ZFP14: variants seen among roughly 807,000 people sequenced by gnomAD.
ZFP14 encodes the protein zinc finger protein 14 homolog.
A neutral mutation model predicts 54.5 loss-of-function variants in ZFP14; 22 were observed. That is an observed-to-expected ratio of 0.40 (90% confidence interval 0.29 to 0.58). The LOEUF (loss-of-function observed/expected upper bound fraction) is 0.58. Ranked by LOEUF, ZFP14 falls within the 20% of genes least tolerant of loss-of-function variation. ZFP14 has a pLI of 0.39. For synonymous variants in ZFP14, 159 were observed against 204.0 expected (o/e 0.78, Z 1.88); for missense variants, 470 against 637.8 (o/e 0.74, Z 2.83).
chr19:36,338,114 A>G lies in ZFP14; in HGVS notation c.*2110T>C, dbSNP rs1280910379. The G allele has an allele frequency of 1.3e-5, 2 of 152,052 alleles. No homozygotes were observed. Among genetic ancestry groups the G allele is most frequent in the East Asian group, 3.9e-4 (2 of 5,164 alleles). 9.4% of individuals were successfully genotyped at this position (152,052 alleles called of 1,614,324 possible). A position where few individuals can be genotyped will look rare whatever the true frequency, so the allele number is the denominator to read the frequency against. ...CCTCTTGGGTTCAAGTGATCCTCCC[A>G]CCTCAGCCTGGGACTACAGGTGTGT... On this transcript the variant is annotated 3_prime_UTR_variant, in exon 5 of 5. Transcript: ENST00000270001.
chr19:36,365,349 G>T (rs2967506), intron 2 of ZFP14, among the ~76,000 whole-genome samples: 95,436 of 151,932 alleles, frequency 0.63, 30,316 homozygotes, highest in African/African-American at 0.72. Context: ...TCATTTGCTT[G>T]GTTTCTTTCT....
At chr19:36,349,870 G>A (rs1160133895) in intron 4 of ZFP14, among the ~76,000 whole-genome samples, 1 of 99,904 alleles carries the variant, frequency 1.0e-5, no homozygotes, top group Non-Finnish European at 2.3e-5. Context: ...ACAATAGATA[G>A]GCTGGGCGTG....
chr19:36,363,085 C>A (rs758105656), intron 2 of ZFP14, among the ~76,000 whole-genome samples: 24 of 151,734 alleles, frequency 1.6e-4, no homozygotes, highest in Non-Finnish European at 3.1e-4. Flanking sequence ...TATCTATCAT[C>A]TCTTGAACAT....
intron 1 of ZFP14, among the ~76,000 whole-genome samples, chr19:36,376,262 A>G (rs1169780795): frequency 1.3e-5 from 2 of 152,030 alleles, no homozygotes; most frequent in African/African-American, 4.8e-5. Context: ...TCTTCCCACA[A>G]TTATTTTTAA....
Position 36,341,585 on chromosome 19 carries a change from C to A in ZFP14, c.241G>T (p.Glu81Ter). 1 of 1,552,038 alleles carries A rather than the reference C, an allele frequency of 6.4e-7. No homozygotes were observed. Among genetic ancestry groups the A allele is most frequent in the Non-Finnish European group, 8.7e-7 (1 of 1,154,704 alleles). ...EGTRRYCPDLESRYRTNTLSP... is the reference protein window; with the variant it reads ...EGTRRYCPDL ...AAAGTATTGGTCCTGTATCTGGACT[C>A]CAAATCTGAAAGAAAACAAGAAAGC... is the stretch of plus-strand genomic sequence containing the variant. The change falls in exon 5 of 5, where the codon GAG becomes TAG. Residue 81 changes from glutamate (E) to a stop codon, truncating the protein, a stop_gained. Coordinates refer to ENST00000270001, the MANE Select transcript of ZFP14 (RefSeq NM_020917.3). LOFTEE classifies it high-confidence loss of function. The surrounding 1 kb of genome is among the most constrained non-coding windows in gnomAD (Gnocchi z 4.2).
intron 1 of ZFP14, among the ~76,000 whole-genome samples, chr19:36,377,863 A>G (rs562782611): frequency 1.3e-5 from 2 of 152,002 alleles, no homozygotes; most frequent in Non-Finnish European, 2.9e-5. Flanking sequence ...ACAAAAAAAA[A>G]CAAAACAAAA....
chr19:36,364,003 A>AG (rs1367731462), intron 2 of ZFP14, among the ~76,000 whole-genome samples: 1 of 152,002 alleles, frequency 6.6e-6, no homozygotes, highest in African/African-American at 2.4e-5. Context: ...AAAAAAAAAA[A>AG]GTCAATAGTT....
At chr19:36,372,116 AAAGG>A (rs1049187381) in intron 1 of ZFP14, among the ~76,000 whole-genome samples, 250 of 150,870 alleles carry the variant, frequency 1.7e-3, no homozygotes, top group African/African-American at 5.6e-3. Context: ...AGGAAGGAAG[AAAGG>A]AAGGAAGGAA....
At chr19:36,363,103 T>C (rs533020158) in intron 2 of ZFP14, among the ~76,000 whole-genome samples, 1 of 152,236 alleles carries the variant, frequency 6.6e-6, no homozygotes, top group African/African-American at 2.4e-5. Flanking sequence ...CATTGTTTTT[T>C]TGTTCCTGAG....
chr19:36,376,322 G>A (rs1004238446), intron 1 of ZFP14, among the ~76,000 whole-genome samples: 4 of 152,014 alleles, frequency 2.6e-5, no homozygotes, highest in African/African-American at 4.8e-5. Flanking sequence ...CAACACAGGC[G>A]GATCACTTAG....
chr19:36,379,078 C>G (rs1199854889), intron 1 of ZFP14, 85 bp downstream of exon 1: 1 of 152,546 alleles, frequency 6.6e-6, no homozygotes, highest in Non-Finnish European at 1.5e-5. Flanking sequence ...AACTCCACAG[C>G]TACTGCCTCC....
intron 4 of ZFP14, among the ~76,000 whole-genome samples, chr19:36,343,821 G>C (rs1207352149): frequency 1.3e-5 from 2 of 151,960 alleles, no homozygotes; most frequent in Non-Finnish European, 2.9e-5. Flanking sequence ...TGCTAGCTCA[G>C]GTGTCTCTTT....
In ZFP14 at chr19:36,360,535, T is replaced by C. The variant is rs765048714; in HGVS notation, c.137-2A>G. On this transcript the variant is annotated splice_acceptor_variant, in intron 3 of 4. Coordinates refer to ENST00000270001, the MANE Select transcript of ZFP14 (RefSeq NM_020917.3). LOFTEE classifies it high-confidence loss of function. The stretch of plus-strand genomic sequence containing the variant: ...CATCTGGTTTAGAAATGGAAGGTCC[T>C]GCTTAAAAGAAAAATGTGACATGGA... 7 of 1,607,112 alleles carry C rather than the reference T, an allele frequency of 4.4e-6. No individual in the cohort carries two copies. In the African/African-American group the frequency reaches 8.0e-5, roughly 18 times the overall value.
intron 1 of ZFP14, among the ~76,000 whole-genome samples, chr19:36,370,531 C>G (rs776303406): frequency 6.6e-6 from 1 of 152,240 alleles, no homozygotes; most frequent in African/African-American, 2.4e-5. Context: ...CCCTTAGCAA[C>G]AGGCAAGCCT....
At chr19:36,366,482 A>G (rs2031796905) in intron 2 of ZFP14, among the ~76,000 whole-genome samples, 2 of 151,870 alleles carry the variant, frequency 1.3e-5, no homozygotes, top group Non-Finnish European at 2.9e-5. Flanking sequence ...ATGCCCAGCT[A>G]GGTTTTGTAT....
Position 36,350,977 on chromosome 19 carries a change from T to C in ZFP14, c.236-9387A>G, listed in dbSNP as rs2031516106. On this transcript the variant is annotated intron_variant, in intron 4 of 4. Transcript: ENST00000270001. Reference sequence around the variant, plus strand: ...TTTAAAAATTAAGACGTAATAAAGATATTTTCTAATAAAACCTAAGATAAT... The same window carrying C: ...TTTAAAAATTAAGACGTAATAAAGACATTTTCTAATAAAACCTAAGATAAT... 1.4e-5 allele frequency among the ~76,000 whole-genome samples: 2 copies of C among 143,532 alleles called. 1 individual carries two copies. Among genetic ancestry groups the C allele is most frequent in the Non-Finnish European group, 3.1e-5 (2 of 64,676 alleles). The allele number at this position is 143,532 out of a possible 152,430, so 94.2% of individuals were successfully genotyped here.
chr19:36,363,882 C>A (rs1344987636), intron 2 of ZFP14, among the ~76,000 whole-genome samples: 3 of 151,796 alleles, frequency 2.0e-5, no homozygotes, highest in Non-Finnish European at 4.4e-5. Context: ...CTCAGCTACT[C>A]AGGAGGCTGA....
chr19:36,353,591 C>T (rs1456704359), intron 4 of ZFP14, among the ~76,000 whole-genome samples: 2 of 135,958 alleles, frequency 1.5e-5, no homozygotes, highest in African/African-American at 5.4e-5. Context: ...CCCAGCTACT[C>T]GGGAGGCTGA....
intron 4 of ZFP14, among the ~76,000 whole-genome samples, chr19:36,344,355 T>A (rs2145541960): frequency 6.6e-6 from 1 of 152,270 alleles, no homozygotes; most frequent in Non-Finnish European, 1.5e-5. Flanking sequence ...TTGAATCATA[T>A]GTTTATTAAT....
Sources: gnomAD v4.1 joint callset for allele counts (sites outside exome capture counted in the v4.1 genomes callset) on GRCh38, gnomAD v4.1.1 for gene constraint, Gnocchi (gnomAD v3.1) non-coding constraint, MANE v1.5 for transcripts, NCBI Gene and HGNC (gene_info 2026-07-23, HGNC 2026-07-21) for gene names.